Variants in SGPP1 observed in about 807,000 individuals in gnomAD.
SGPP1 encodes the protein hSPP1.
Under a neutral mutation model 33.0 loss-of-function variants are expected in SGPP1, and 21 were observed. That is an observed-to-expected ratio of 0.64 (90% confidence interval 0.45 to 0.92). The LOEUF is 0.92. Ranked by LOEUF, SGPP1 falls within the 40% of genes least tolerant of loss-of-function variation. The probability of loss-of-function intolerance (pLI) is 0.00; values close to 1 mark genes in which losing one functional copy is unlikely to be tolerated. For synonymous variants in SGPP1, 239 were observed against 241.2 expected (o/e 0.99, Z 0.08); for missense variants, 543 against 589.4 (o/e 0.92, Z 0.81).
At chr14:63,723,381 T>C (rs1172496030) in intron 1 of SGPP1, among the ~76,000 whole-genome samples, 1 of 152,172 alleles carries the variant, frequency 6.6e-6, no homozygotes, top group Non-Finnish European at 1.5e-5. Flanking sequence ...AAGTAATTAC[T>C]TGGAGCTATA....
intron 1 of SGPP1, among the ~76,000 whole-genome samples, chr14:63,726,424 T>G (rs1885880455): frequency 6.6e-6 from 1 of 152,064 alleles, no homozygotes; most frequent in South Asian, 2.1e-4. Flanking sequence ...AACTCTTCCC[T>G]TGGCAGTTTT....
intron 1 of SGPP1, among the ~76,000 whole-genome samples, chr14:63,708,762 C>T (rs1419650258): frequency 6.6e-6 from 1 of 152,150 alleles, no homozygotes; most frequent in Non-Finnish European, 1.5e-5. Context: ...ATCATCAGAA[C>T]AACCATATGG....
intron 2 of SGPP1, among the ~76,000 whole-genome samples, chr14:63,690,785 A>C (rs1211373355): frequency 6.6e-6 from 1 of 152,164 alleles, no homozygotes; most frequent in African/African-American, 2.4e-5. Context: ...ATCTAAGCTC[A>C]CTGCAGCCTC....
At chr14:63,720,640 A>G (rs1161463137) in intron 1 of SGPP1, among the ~76,000 whole-genome samples, 1 of 152,066 alleles carries the variant, frequency 6.6e-6, no homozygotes, top group Non-Finnish European at 1.5e-5. Context: ...GACGCCTGTA[A>G]TCCCAGCTAG....
chr14:63,725,193 T>C (rs1315871876), intron 1 of SGPP1, among the ~76,000 whole-genome samples: 9 of 152,092 alleles, frequency 5.9e-5, no homozygotes, highest in Admixed American at 5.2e-4. Flanking sequence ...GCCAAAACAG[T>C]GAAACCACAT....
In SGPP1 at chr14:63,711,735, G is replaced by T. The variant is rs138743460; in HGVS notation, c.685-13077C>A. ...ACATCTAGATGTTTTGATCATTTTT[G>T]ATCAAAAGCTGAGTACTTTTGCTGG... On this transcript the variant is annotated intron_variant, in intron 1 of 2. Transcript: ENST00000247225. 4.4e-3 allele frequency among the ~76,000 whole-genome samples: 676 copies of T among 152,110 alleles called. 5 individuals are homozygous for T. Among genetic ancestry groups the T allele is most frequent in the African/African-American group, 0.015 (643 of 41,520 alleles).
At chr14:63,709,555 T>C (rs1446937996) in intron 1 of SGPP1, among the ~76,000 whole-genome samples, 1 of 152,184 alleles carries the variant, frequency 6.6e-6, no homozygotes, top group African/African-American at 2.4e-5. Flanking sequence ...AATTTTAAAT[T>C]TGGCAGGGGT....
Position 63,684,646 on chromosome 14 carries a change from T to C in SGPP1, c.*1459A>G, listed in dbSNP as rs529055464. Reference sequence around the variant, plus strand: ...ATAGTTCTGGATAATCATACAGATATTGCACTAAAATCAGTAATTTCATAC... The same window carrying C: ...ATAGTTCTGGATAATCATACAGATACTGCACTAAAATCAGTAATTTCATAC... On this transcript the variant is annotated 3_prime_UTR_variant, in exon 3 of 3. Coordinates refer to ENST00000247225, the MANE Select transcript of SGPP1 (RefSeq NM_030791.4). 2.9e-4 allele frequency: 44 copies of C among 152,612 alleles called. 1 individual carries two copies. The highest frequency in any genetic ancestry group is 1.7e-3 in the South Asian group (8 of 4,832). 9.5% of individuals were successfully genotyped at this position (152,612 alleles called of 1,614,324 possible). A position where few individuals can be genotyped will look rare whatever the true frequency, so the allele number is the denominator to read the frequency against.
intron 2 of SGPP1, among the ~76,000 whole-genome samples, chr14:63,691,644 G>C (rs560431758): frequency 2.0e-5 from 3 of 152,228 alleles, no homozygotes; most frequent in Admixed American, 6.5e-5. Context: ...TGGAGAACTT[G>C]ATAAAAATAC....
At chr14:63,710,411 T>C (rs1007934958) in intron 1 of SGPP1, among the ~76,000 whole-genome samples, 5 of 152,358 alleles carry the variant, frequency 3.3e-5, no homozygotes, top group African/African-American at 7.2e-5. Context: ...TAGAGCTACA[T>C]AGACCTATCA....
chr14:63,709,455 A>G (rs1413723900), intron 1 of SGPP1, among the ~76,000 whole-genome samples: 1 of 151,708 alleles, frequency 6.6e-6, no homozygotes, highest in Non-Finnish European at 1.5e-5. Flanking sequence ...AGTAACATTC[A>G]GTATTATACT....
At chr14:63,692,059 C>T (rs1287504242) in intron 2 of SGPP1, among the ~76,000 whole-genome samples, 2 of 152,164 alleles carry the variant, frequency 1.3e-5, no homozygotes, top group African/African-American at 4.8e-5. Flanking sequence ...ATAAGAGAAG[C>T]AGATGATATA....
chr14:63,718,247 CAAAA>C (rs36009863), intron 1 of SGPP1, among the ~76,000 whole-genome samples: 1 of 103,674 alleles, frequency 9.6e-6, no homozygotes. Flanking sequence ...GACTCCATCT[CAAAA>C]AAAAAAAAAA....
Position 63,727,722 on chromosome 14 carries a change from G to A in SGPP1, c.223C>T (p.Gln75Ter), listed in dbSNP as rs1283524153. 7.0e-7 allele frequency: 1 copy of A among 1,433,916 alleles called. No homozygotes were observed. Among genetic ancestry groups the A allele is most frequent in the Non-Finnish European group, 9.1e-7 (1 of 1,101,936 alleles). The allele number at this position is 1,433,916 out of a possible 1,614,324, so 88.8% of individuals were successfully genotyped here. ...GPQPPGSDRN[Q>*]CPAKPDGGGA... ...CCGCCGTCCGGCTTGGCCGGGCACT[G>A]ATTGCGGTCGCTCCCGGGAGGCTGG... The change falls in exon 1 of 3, where the codon CAG (glutamine) becomes TAG (stop). Residue 75 changes from glutamine to a stop codon, truncating the protein, a stop_gained. Coordinates refer to ENST00000247225, the MANE Select transcript of SGPP1 (RefSeq NM_030791.4). LOFTEE classifies it high-confidence loss of function.
chr14:63,726,961 T>A (rs2139658964), intron 1 of SGPP1, among the ~76,000 whole-genome samples: 1 of 152,298 alleles, frequency 6.6e-6, no homozygotes, highest in Admixed American at 6.5e-5. Context: ...TTAAAGCCGT[T>A]TAAAAAACTC....
chr14:63,686,202 T>C lies in SGPP1; in HGVS notation c.1229A>G (p.Glu410Gly), dbSNP rs1335464920. Reference protein sequence around the residue: ...DDIRKARQHMEVELPYRYITY... With the variant: ...DDIRKARQHMGVELPYRYITY... ...AATATACCGATAAGGAAGTTCAACT[T>C]CCATGTGCTGTCTTGCTTTTCGAAT... The change falls in exon 3 of 3, where the codon GAA becomes GGA. Residue 410 changes from glutamate (E) to glycine (G), a missense_variant. By Grantham distance (98) the Glu-to-Gly change is moderately conservative. Coordinates refer to ENST00000247225, the MANE Select transcript of SGPP1 (RefSeq NM_030791.4). The C allele has an allele frequency of 1.2e-6, 2 of 1,614,060 alleles. No individual in the cohort carries two copies. Among genetic ancestry groups the C allele is most frequent in the East Asian group, 2.2e-5 (1 of 44,876 alleles).
intron 1 of SGPP1, among the ~76,000 whole-genome samples, chr14:63,722,350 C>T (rs1195530549): frequency 6.9e-6 from 1 of 145,984 alleles, no homozygotes; most frequent in Non-Finnish European, 1.5e-5. Context: ...TGGTGAAACC[C>T]TGTCTCTATT....
chr14:63,691,387 TTTC>T (rs1322000258), intron 2 of SGPP1, among the ~76,000 whole-genome samples: 1 of 152,242 alleles, frequency 6.6e-6, no homozygotes, highest in Non-Finnish European at 1.5e-5. Flanking sequence ...TTATAGACTA[TTTC>T]TTCTTGTCTT....
chr14:63,714,393 T>C (rs1003659034), intron 1 of SGPP1, among the ~76,000 whole-genome samples: 1 of 152,168 alleles, frequency 6.6e-6, no homozygotes, highest in Non-Finnish European at 1.5e-5. Context: ...TAAATGTTTG[T>C]ACTTCACTTT....
Sources: allele counts gnomAD v4.1 joint callset (sites outside exome capture counted in the v4.1 genomes callset), GRCh38; gene constraint gnomAD v4.1.1; transcripts MANE v1.5; gene names NCBI Gene and HGNC (gene_info 2026-07-23, HGNC 2026-07-21).